LSM14B: variants seen among roughly 807,000 people sequenced by gnomAD.
The protein encoded by LSM14B is LSM family member 14B.
LSM14B carries 8 observed loss-of-function variants against 42.1 expected under a neutral mutation model. The ratio of observed to expected loss-of-function variants is 0.19; its 90% CI spans 0.11 to 0.34. The LOEUF is 0.34. Ranked by LOEUF, LSM14B falls within the 10% of genes least tolerant of loss-of-function variation. LSM14B has a pLI of 1.00. For missense variants in LSM14B, 396 were observed against 513.1 expected, an observed-to-expected ratio of 0.77 and a Z score of 2.21; for synonymous variants, 219 against 209.7, an observed-to-expected ratio of 1.04 and a Z score of -0.38.
chr20:62,129,015 G>A, intron 3 of LSM14B: 3 of 1,302,786 alleles, frequency 2.3e-6, no homozygotes, highest in Non-Finnish European at 3.0e-6. Flanking sequence ...ACCTTGGAAA[G>A]GGAGGAGATG....
At chr20:62,127,975 C>G (rs2056653674) in intron 3 of LSM14B, 3 of 627,006 alleles carry the variant, frequency 4.8e-6, no homozygotes, top group Non-Finnish European at 8.6e-6. Context: ...CGGGAAACTT[C>G]ACTGTTCACA....
In LSM14B at chr20:62,129,766, C is replaced by T. The variant is rs745641625; in HGVS notation, c.428-19C>T. Reference sequence around the variant, plus strand: ...TCTTTTCTCTCTGTTTTTAAACCCTCCTCCCCTCCTCAATTCAGGAGCTGG... The same window carrying T: ...TCTTTTCTCTCTGTTTTTAAACCCTTCTCCCCTCCTCAATTCAGGAGCTGG... On this transcript the variant is annotated intron_variant, in intron 3 of 8. Transcript: ENST00000279068. 1 of 1,596,600 alleles carries T rather than the reference C, an allele frequency of 6.3e-7. No individual in the cohort carries two copies. Among genetic ancestry groups the T allele is most frequent in the South Asian group, 1.1e-5 (1 of 88,234 alleles).
intron 3 of LSM14B, among the ~76,000 whole-genome samples, chr20:62,129,405 T>C (rs1437085450): frequency 6.6e-6 from 1 of 152,242 alleles, no homozygotes; most frequent in Admixed American, 6.5e-5. Context: ...ATCTTGGGGC[T>C]GCTGAGCTCC....
chr20:62,134,356 T>G lies in LSM14B; in HGVS notation c.*208T>G. On this transcript the variant is annotated 3_prime_UTR_variant, in exon 9 of 9. Transcript: ENST00000279068. ...CTTGTTTTGGGGAAGTATTCATGGG[T>G]AACCTCTTTGAGGTCTCTTTATCTG... 1 of 471,122 alleles carries G rather than the reference T, an allele frequency of 2.1e-6. No homozygotes were observed. The highest frequency in any genetic ancestry group is 1.6e-5 in the South Asian group (1 of 64,398). The allele number at this position is 471,122 out of a possible 1,614,324, so 29.2% of individuals were successfully genotyped here. A position where few individuals can be genotyped will look rare whatever the true frequency, so the allele number is the denominator to read the frequency against.
intron 7 of LSM14B, 102 bp downstream of exon 7, chr20:62,131,608 G>A: frequency 1.4e-6 from 2 of 1,458,990 alleles, no homozygotes; most frequent in East Asian, 2.3e-5. Flanking sequence ...GAGGCTCAGG[G>A]TAGCTGTTCT....
intron 3 of LSM14B, among the ~76,000 whole-genome samples, chr20:62,127,028 C>G (rs147550249): frequency 8.9e-4 from 136 of 152,318 alleles, no homozygotes; most frequent in Non-Finnish European, 1.6e-3. Flanking sequence ...CCTGGTATAT[C>G]TGCTTCAAAG....
chr20:62,134,031 G>C, intron 8 of LSM14B, 132 bp from the exon 9 acceptor site: 1 of 355,130 alleles, frequency 2.8e-6, no homozygotes, highest in South Asian at 2.1e-5. Context: ...CTCAGAGTGG[G>C]TTGTGAGAAG....
At chr20:62,126,535 A>C (rs917323710) in intron 3 of LSM14B, 96 bp downstream of exon 3, 3 of 1,473,706 alleles carry the variant, frequency 2.0e-6, no homozygotes, top group Non-Finnish European at 2.7e-6. Flanking sequence ...CATTCCTGTC[A>C]TGCTCAGCTT....
rs747372518 is a variant in LSM14B at position 62,131,985 on chromosome 20, C to T, written c.986+479C>T. Among the ~76,000 whole-genome samples, 6 of 152,348 alleles carry T rather than the reference C, an allele frequency of 3.9e-5. No individual in the cohort carries two copies. The South Asian group carries it at 6.2e-4, about 16-fold the overall frequency. On this transcript the variant is annotated intron_variant, in intron 7 of 8. Coordinates refer to ENST00000279068, the MANE Select transcript of LSM14B (RefSeq NM_144703.3). ...ACCTAACAGCTGGTCAGAAGTCCCG[C>T]GAAGCACCCTAGGGAGTGGGTGGCA...
At chr20:62,123,936 A>G (rs566692409) in intron 1 of LSM14B, among the ~76,000 whole-genome samples, 20 of 152,320 alleles carry the variant, frequency 1.3e-4, no homozygotes, top group African/African-American at 4.8e-4. Flanking sequence ...GAGTAGGCCC[A>G]GGAGTTAGCA....
At chr20:62,126,965 C>G (rs1019345696) in intron 3 of LSM14B, among the ~76,000 whole-genome samples, 1 of 152,136 alleles carries the variant, frequency 6.6e-6, no homozygotes, top group South Asian at 2.1e-4. Flanking sequence ...CCACTGCACT[C>G]TAGCCTGAGC....
chr20:62,125,539 G>T (rs958535320), intron 2 of LSM14B, among the ~76,000 whole-genome samples: 10 of 152,242 alleles, frequency 6.6e-5, no homozygotes, highest in Non-Finnish European at 1.0e-4. Flanking sequence ...CACCAGATTT[G>T]CAAGTCTGAT....
At chr20:62,131,695 C>T (rs965359643) in intron 7 of LSM14B, among the ~76,000 whole-genome samples, 189 bp downstream of exon 7, 4 of 152,232 alleles carry the variant, frequency 2.6e-5, no homozygotes, top group South Asian at 2.1e-4. Flanking sequence ...TTGGGGATCC[C>T]GACCCGAGGA....
chr20:62,134,400 G>A lies in LSM14B; in HGVS notation c.*252G>A, dbSNP rs557304973. 8.3e-5 allele frequency: 37 copies of A among 444,830 alleles called. 1 individual carries two copies. The Middle Eastern group carries it at 1.3e-3, about 16-fold the overall frequency. 27.6% of individuals were successfully genotyped at this position (444,830 alleles called of 1,614,324 possible). On this transcript the variant is annotated 3_prime_UTR_variant, in exon 9 of 9. Coordinates refer to ENST00000279068, the MANE Select transcript of LSM14B (RefSeq NM_144703.3). ...TTATCTGTGTTTCCTTTTTAGTTGCGCATAGCCTAATTCTAAGGTTTTGGT... is the reference window on the plus strand; with the variant it reads ...TTATCTGTGTTTCCTTTTTAGTTGCACATAGCCTAATTCTAAGGTTTTGGT...
intron 7 of LSM14B, among the ~76,000 whole-genome samples, chr20:62,131,719 G>A (rs927445631): frequency 3.9e-5 from 6 of 152,168 alleles, no homozygotes; most frequent in African/African-American, 1.2e-4. Flanking sequence ...GGCTGAGGTC[G>A]AGCCTGTTTC....
At position 62,134,634 on chromosome 20, in the gene LSM14B, G is replaced by A. The variant is rs2056856437; in HGVS notation, c.*486G>A. 2.2e-5 allele frequency: 3 copies of A among 136,010 alleles called. No individual in the cohort carries two copies. The highest frequency in any genetic ancestry group is 2.9e-4 in the South Asian group (2 of 6,804). 8.4% of individuals were successfully genotyped at this position (136,010 alleles called of 1,614,324 possible). Reference sequence around the variant, plus strand: ...GGTGGGGTCTCAGGAGTCAGGCAGGGCCAGCACAGGGTGGCGTGGGGGGCA... The same window carrying A: ...GGTGGGGTCTCAGGAGTCAGGCAGGACCAGCACAGGGTGGCGTGGGGGGCA... On this transcript the variant is annotated 3_prime_UTR_variant, in exon 9 of 9. Transcript: ENST00000279068.
Position 62,129,770 on chromosome 20 carries a change from C to T in LSM14B, c.428-15C>T. On this transcript the variant is annotated splice_polypyrimidine_tract_variant and intron_variant, in intron 3 of 8. Transcript: ENST00000279068. Reference sequence around the variant, plus strand: ...TTCTCTCTGTTTTTAAACCCTCCTCCCCTCCTCAATTCAGGAGCTGGTTTT... The same window carrying T: ...TTCTCTCTGTTTTTAAACCCTCCTCTCCTCCTCAATTCAGGAGCTGGTTTT... 1 of 1,600,704 alleles carries T rather than the reference C, an allele frequency of 6.2e-7. No individual in the cohort carries two copies. The highest frequency in any genetic ancestry group is 8.5e-7 in the Non-Finnish European group (1 of 1,173,842).
intron 3 of LSM14B, 23 bp downstream of exon 3, chr20:62,126,462 G>T: frequency 6.2e-7 from 1 of 1,603,046 alleles, no homozygotes; most frequent in Non-Finnish European, 8.5e-7. Context: ...TTTCTGTCTG[G>T]TAAACTACCC....
rs1347934339 is a variant in LSM14B, at chr20:62,134,249, G to A, written c.*101G>A. On this transcript the variant is annotated 3_prime_UTR_variant, in exon 9 of 9. Coordinates refer to ENST00000279068, the MANE Select transcript of LSM14B (RefSeq NM_144703.3). Reference sequence around the variant, plus strand: ...ACTTACAGGGAGAGGTGGTCACTTTGTTTACGGAGTTTGGAAGAGACCCAT... The same window carrying A: ...ACTTACAGGGAGAGGTGGTCACTTTATTTACGGAGTTTGGAAGAGACCCAT... 2.1e-6 allele frequency: 1 copy of A among 471,778 alleles called. No individual in the cohort carries two copies. Among genetic ancestry groups the A allele is most frequent in the East Asian group, 6.9e-5 (1 of 14,392 alleles). The allele number at this position is 471,778 out of a possible 1,614,324, so 29.2% of individuals were successfully genotyped here.
Sources: allele counts gnomAD v4.1 joint callset (sites outside exome capture counted in the v4.1 genomes callset), GRCh38; gene constraint gnomAD v4.1.1; transcripts MANE v1.5; gene names NCBI Gene and HGNC (gene_info 2026-07-23, HGNC 2026-07-21).